The following EFNA5 variants were observed in gnomAD, a reference collection of about 807,000 sequenced individuals.
EFNA5 encodes ephrin-A5.
EFNA5 carries 5 observed loss-of-function variants against 22.9 expected under a neutral mutation model. The ratio of observed to expected loss-of-function variants is 0.22; its 90% confidence interval spans 0.11 to 0.46. The LOEUF is 0.46. Ranked by LOEUF, EFNA5 falls within the 20% of genes least tolerant of loss-of-function variation. EFNA5 has a pLI of 0.99. For missense variants in EFNA5, 237 were observed against 293.3 expected (o/e 0.81, Z 1.40); for synonymous variants, 113 against 112.2 (o/e 1.01, Z -0.04).
intron 1 of EFNA5, among the ~76,000 whole-genome samples, chr5:107,575,597 A>T (rs1160649900): frequency 6.6e-6 from 1 of 152,142 alleles, no homozygotes; most frequent in Non-Finnish European, 1.5e-5. Flanking sequence ...CAGGCAAGTT[A>T]GTCATGATGA....
At chr5:107,612,554 G>A (rs1435745289) in intron 1 of EFNA5, among the ~76,000 whole-genome samples, 3 of 151,994 alleles carry the variant, frequency 2.0e-5, no homozygotes, top group African/African-American at 7.2e-5. Context: ...TGATTAGACA[G>A]TAAACATAAT....
chr5:107,498,974 A>ATGTATGTATGTG (rs532884039), intron 1 of EFNA5, among the ~76,000 whole-genome samples: 24 of 151,938 alleles, frequency 1.6e-4, no homozygotes, highest in Non-Finnish European at 2.9e-4. Flanking sequence ...GTATGTATGT[A>ATGTATGTATGTG]TGTATGTATG....
chr5:107,435,751 T>A (rs943485146), intron 1 of EFNA5, among the ~76,000 whole-genome samples: 1 of 152,198 alleles, frequency 6.6e-6, no homozygotes, highest in Non-Finnish European at 1.5e-5. Flanking sequence ...GCAGCAGAAA[T>A]GCAGTATGCT....
chr5:107,480,752 G>A (rs27930), intron 1 of EFNA5, among the ~76,000 whole-genome samples: 110,854 of 152,088 alleles, frequency 0.73, 41,879 homozygotes, highest in African/African-American at 0.93. Flanking sequence ...TGCAGTCAGC[G>A]GTCCCAGAAA....
At chr5:107,493,772 T>C (rs1320457624) in intron 1 of EFNA5, among the ~76,000 whole-genome samples, 1 of 152,204 alleles carries the variant, frequency 6.6e-6, no homozygotes, top group Non-Finnish European at 1.5e-5. Flanking sequence ...ATATTTTGCC[T>C]TCAGAGTATT....
intron 2 of EFNA5, among the ~76,000 whole-genome samples, chr5:107,398,477 G>C (rs1000990517): frequency 6.6e-6 from 1 of 152,098 alleles, no homozygotes; most frequent in Non-Finnish European, 1.5e-5. Flanking sequence ...TTGGGTTCTA[G>C]GTTCTGGGGA....
chr5:107,445,633 G>C (rs1370228323), intron 1 of EFNA5, among the ~76,000 whole-genome samples: 1 of 152,136 alleles, frequency 6.6e-6, no homozygotes, highest in Admixed American at 6.5e-5. Context: ...GTTCGACAGA[G>C]GCAGAGGGAC....
intron 1 of EFNA5, among the ~76,000 whole-genome samples, chr5:107,660,003 TAC>T (rs1220978568): frequency 1.3e-5 from 2 of 151,806 alleles, no homozygotes; most frequent in East Asian, 3.9e-4. Context: ...ATATCGTGTA[TAC>T]ATATACCCAC....
chr5:107,670,166 A>G (rs974442492), intron 1 of EFNA5, among the ~76,000 whole-genome samples: 1 of 151,780 alleles, frequency 6.6e-6, no homozygotes. Context: ...ACCGGATGCC[A>G]GCCAGATGCC....
At chr5:107,483,189 G>C (rs545280070) in intron 1 of EFNA5, among the ~76,000 whole-genome samples, 1 of 151,986 alleles carries the variant, frequency 6.6e-6, no homozygotes, top group African/African-American at 2.4e-5. Flanking sequence ...ACTTCATTTA[G>C]ACATCAAACT....
intron 1 of EFNA5, among the ~76,000 whole-genome samples, chr5:107,472,896 G>A (rs546499936): frequency 3.9e-4 from 59 of 152,334 alleles, no homozygotes; most frequent in African/African-American, 1.4e-3. Flanking sequence ...GGATGCAAAT[G>A]TCGAGCTGAT....
At chr5:107,569,701 A>G (rs964962519) in intron 1 of EFNA5, among the ~76,000 whole-genome samples, 4 of 148,034 alleles carry the variant, frequency 2.7e-5, no homozygotes, top group Non-Finnish European at 6.0e-5. Context: ...AATACAAAAA[A>G]ATTAGCCAGG....
intron 2 of EFNA5, among the ~76,000 whole-genome samples, chr5:107,403,173 C>G (rs1477202382): frequency 2.0e-5 from 3 of 152,162 alleles, no homozygotes; most frequent in Non-Finnish European, 2.9e-5. Flanking sequence ...CACAGGGAAG[C>G]AGAAGGAGTG....
At chr5:107,486,716 G>C (rs1288722285) in intron 1 of EFNA5, among the ~76,000 whole-genome samples, 1 of 152,098 alleles carries the variant, frequency 6.6e-6, no homozygotes, top group African/African-American at 2.4e-5. Flanking sequence ...AGACTGAAGA[G>C]GCCTCTATCA....
chr5:107,482,870 C>A (rs29541), intron 1 of EFNA5, among the ~76,000 whole-genome samples: 11,384 of 56,052 alleles, frequency 0.2, 642 homozygotes, highest in Admixed American at 0.27. Context: ...CTCTCTCTCT[C>A]TATATATATA....
In EFNA5 at chr5:107,662,224, A is replaced by G. The variant is rs11948312; in HGVS notation, c.125+8265T>C. ...CGTACCTGAACTTTAACCGCGATAC[A>G]TGTATCTGTTATTAAAACATGCATT... is the stretch of plus-strand genomic sequence containing the variant. On this transcript the variant is annotated intron_variant, in intron 1 of 4. Transcript: ENST00000333274. Among the ~76,000 whole-genome samples the G allele has an allele frequency of 7.6e-3, 1,165 of 152,308 alleles. 20 individuals carry two copies. The highest frequency in any genetic ancestry group is 0.026 in the African/African-American group (1,075 of 41,574).
intron 1 of EFNA5, among the ~76,000 whole-genome samples, chr5:107,636,983 C>T (rs1405160915): frequency 6.6e-6 from 1 of 152,152 alleles, no homozygotes; most frequent in Non-Finnish European, 1.5e-5. Context: ...ATAAGAATAA[C>T]CTACTATAAA....
At chr5:107,439,553 G>C (rs1184093241) in intron 1 of EFNA5, among the ~76,000 whole-genome samples, 2 of 152,140 alleles carry the variant, frequency 1.3e-5, no homozygotes, top group East Asian at 3.8e-4. Flanking sequence ...CAAGGGGGAA[G>C]GAAGATGGCA....
intron 1 of EFNA5, among the ~76,000 whole-genome samples, chr5:107,469,768 G>A (rs910752080): frequency 2.0e-5 from 3 of 151,976 alleles, no homozygotes; most frequent in Non-Finnish European, 2.9e-5. Context: ...GGAAGTAGAC[G>A]TATAATACCT....
Sources: allele counts gnomAD v4.1 joint callset (sites outside exome capture counted in the v4.1 genomes callset), GRCh38; gene constraint gnomAD v4.1.1; transcripts MANE v1.5; gene names NCBI Gene and HGNC (gene_info 2026-07-23, HGNC 2026-07-21).